Variants in CRYZ observed in about 807,000 individuals in gnomAD.
The protein encoded by CRYZ is zeta-crystallin.
CRYZ carries 35 observed loss-of-function variants against 34.1 expected under a neutral mutation model. That is an observed-to-expected ratio of 1.03 (90% CI 0.78 to 1.36). CRYZ has a LOEUF of 1.36. Among genes scored for constraint, CRYZ ranks in the 40% most tolerant of loss-of-function variants. The probability of loss-of-function intolerance (pLI) is 0.00; values close to 1 mark genes in which losing one functional copy is unlikely to be tolerated. For synonymous variants in CRYZ, 137 were observed against 136.5 expected (o/e 1.00, Z -0.03); for missense variants, 403 against 391.8 (o/e 1.03, Z -0.24).
At chr1:74,722,733 T>C (rs1647182689) in intron 3 of CRYZ, among the ~76,000 whole-genome samples, 1 of 152,136 alleles carries the variant, frequency 6.6e-6, no homozygotes, top group Non-Finnish European at 1.5e-5. Flanking sequence ...TAACTTTCTC[T>C]TTATATTATG....
At chr1:74,724,052 T>C (rs1318045521) in intron 2 of CRYZ, among the ~76,000 whole-genome samples, 3 of 151,940 alleles carry the variant, frequency 2.0e-5, no homozygotes, top group African/African-American at 4.8e-5. Flanking sequence ...TAAAAAAAAA[T>C]AGCATGTGCA....
chr1:74,732,118 C>A (rs1319115339), intron 1 of CRYZ, among the ~76,000 whole-genome samples: 1 of 150,520 alleles, frequency 6.6e-6, no homozygotes. Flanking sequence ...TGCGAAGGGG[C>A]ACTACCTAGG....
chr1:74,715,873 TA>T (rs1395074293), intron 4 of CRYZ, among the ~76,000 whole-genome samples: 1 of 151,726 alleles, frequency 6.6e-6, no homozygotes, highest in African/African-American at 2.4e-5. Context: ...AGGAACCCAA[TA>T]TTTGTTCCAA....
rs148457145 is a variant in CRYZ at position 74,710,295 on chromosome 1, TA to T, written c.481-49del. 6,072 of 1,567,608 alleles carry T rather than the reference TA, an allele frequency of 3.9e-3. 212 individuals are homozygous for T. The African/African-American group carries it at 0.073, about 19-fold the overall frequency. The stretch of plus-strand genomic sequence containing the variant: ...GAGTTATATATTCTCTACACTCCTG[TA>T]AACACTTAAATACATACAATGAACT... On this transcript the variant is annotated intron_variant, in intron 5 of 8. Coordinates refer to ENST00000340866, the MANE Select transcript of CRYZ (RefSeq NM_001889.4).
intron 1 of CRYZ, among the ~76,000 whole-genome samples, chr1:74,728,756 A>G (rs963407627): frequency 3.9e-5 from 6 of 152,246 alleles, no homozygotes; most frequent in African/African-American, 1.4e-4. Flanking sequence ...TGCCATTTTA[A>G]AACCCTTAAA....
At chr1:74,727,248 G>C (rs541445391) in intron 1 of CRYZ, among the ~76,000 whole-genome samples, 1 of 88,430 alleles carries the variant, frequency 1.1e-5, no homozygotes, top group African/African-American at 3.0e-5. Flanking sequence ...AAACACCTGA[G>C]ACTGGGTACA....
intron 3 of CRYZ, 22 bp from the exon 4 acceptor site, chr1:74,719,394 T>C (rs1647124329): frequency 6.3e-7 from 1 of 1,596,770 alleles, no homozygotes; most frequent in African/African-American, 1.3e-5. Flanking sequence ...GATAAATGAA[T>C]AAATGCAGGA....
chr1:74,710,497 T>C (rs1270811195), intron 5 of CRYZ, among the ~76,000 whole-genome samples: 1 of 152,226 alleles, frequency 6.6e-6, no homozygotes, highest in Non-Finnish European at 1.5e-5. Flanking sequence ...GATACTATTA[T>C]TGTCCCTATT....
chr1:74,712,822 T>C (rs953716624), intron 5 of CRYZ, among the ~76,000 whole-genome samples: 1 of 152,200 alleles, frequency 6.6e-6, no homozygotes, highest in Non-Finnish European at 1.5e-5. Flanking sequence ...ATAGCTCTTT[T>C]AAAAAGGCAC....
intron 6 of CRYZ, chr1:74,707,742 C>G (rs1049637036): frequency 2.6e-5 from 4 of 152,376 alleles, no homozygotes; most frequent in African/African-American, 9.6e-5. Flanking sequence ...TTACAAAAAG[C>G]TACACACATC....
chr1:74,713,279 C>A (rs2100701117), intron 5 of CRYZ, among the ~76,000 whole-genome samples: 1 of 152,246 alleles, frequency 6.6e-6, no homozygotes, highest in African/African-American at 2.4e-5. Flanking sequence ...TCTTTAAACT[C>A]TTCTCTCCCC....
rs150892324 is a variant in CRYZ, at chr1:74,711,340, G to T, written c.481-1093C>A. Among the ~76,000 whole-genome samples the T allele has an allele frequency of 4.7e-4, 72 of 152,292 alleles. No individual in the cohort carries two copies. In the East Asian group the frequency reaches 0.013, roughly 27 times the overall value. On this transcript the variant is annotated intron_variant, in intron 5 of 8. Transcript: ENST00000340866. The stretch of plus-strand genomic sequence containing the variant: ...GCACAAAGAAAGCGGTGAGGAAAAT[G>T]GGAGGAGGAAGATCAGTTTGTAGCT...
chr1:74,731,528 G>A (rs1176359450), intron 1 of CRYZ, among the ~76,000 whole-genome samples: 30 of 152,226 alleles, frequency 2.0e-4, no homozygotes, highest in Non-Finnish European at 1.5e-5. Context: ...GTCAGAGAAA[G>A]TCTCTTCCTG....
rs773826302 is a variant in CRYZ, at chr1:74,723,139, T to C, written c.243A>G (p.Gly81=). Residue 81 remains glycine, a synonymous_variant, in exon 3 of 9, where the codon GGA becomes GGG. Coordinates refer to ENST00000340866, the MANE Select transcript of CRYZ (RefSeq NM_001889.4). ...SDVAGVIEAV[G]DNASAFKKGD... ...ATACCTTGAAAGCAGATGCATTATC[T>C]CCAACAGCTTCTATCACCCCAGCCA... The C allele has an allele frequency of 1.9e-6, 3 of 1,612,394 alleles. No individual in the cohort carries two copies. In the African/African-American group the frequency reaches 4.0e-5, roughly 22 times the overall value.
chr1:74,728,369 T>C (rs562780159), intron 1 of CRYZ, among the ~76,000 whole-genome samples: 15 of 152,218 alleles, frequency 9.9e-5, no homozygotes, highest in Non-Finnish European at 2.1e-4. Context: ...CAGAAAGTTA[T>C]ATAATCTTAG....
chr1:74,706,870 AC>A, intron 8 of CRYZ, 28 bp downstream of exon 8: 1 of 1,586,200 alleles, frequency 6.3e-7, no homozygotes, highest in African/African-American at 1.3e-5. Flanking sequence ...TGTTTAAGTT[AC>A]CAAAATCAGA....
rs138254201 is a variant in CRYZ at position 74,723,234 on chromosome 1, C to A, written c.148G>T (p.Val50Leu). The change falls in exon 3 of 9, where the codon GTG becomes TTG. Residue 50 changes from valine (V) to leucine (L), a missense_variant. Coordinates refer to ENST00000340866, the MANE Select transcript of CRYZ (RefSeq NM_001889.4). ...IKVHACGVNPVETYIRSGTYS... is the reference protein window; with the variant it reads ...IKVHACGVNPLETYIRSGTYS... The stretch of plus-strand genomic sequence containing the variant: ...GTACCAGAGCGAATGTATGTCTCCA[C>A]GGGGTTGACACCACATGCATGGACC... 2 of 1,613,732 alleles carry A rather than the reference C, an allele frequency of 1.2e-6. No individual in the cohort carries two copies. The highest frequency in any genetic ancestry group is 1.7e-6 in the Non-Finnish European group (2 of 1,179,932).
At chr1:74,732,261 G>A (rs1422425582) in intron 1 of CRYZ, among the ~76,000 whole-genome samples, 2 of 145,338 alleles carry the variant, frequency 1.4e-5, no homozygotes, top group Admixed American at 6.8e-5. Context: ...TGGGCTGTGC[G>A]AAGGGGCACT....
chr1:74,708,629 TAAA>T (rs1646962021), intron 6 of CRYZ: 1 of 152,078 alleles, frequency 6.6e-6, no homozygotes, highest in African/African-American at 2.4e-5. Context: ...GAATGATAAT[TAAA>T]AGACAGGAAA....
Sources: gnomAD v4.1 joint callset for allele counts (sites outside exome capture counted in the v4.1 genomes callset) on GRCh38, gnomAD v4.1.1 for gene constraint, MANE v1.5 for transcripts, NCBI Gene and HGNC (gene_info 2026-07-23, HGNC 2026-07-21) for gene names.